RAP1GAP2: variants seen among roughly 807,000 people sequenced by gnomAD.
RAP1GAP2 encodes RAP1 GTPase activating protein 2.
RAP1GAP2 carries 27 observed loss-of-function variants against 95.0 expected under a neutral mutation model. The observed-to-expected ratio is 0.28, with a 90% CI of 0.21 to 0.39. The LOEUF (loss-of-function observed/expected upper bound fraction) is 0.39, where lower values mean the gene tolerates loss of function less well. Among genes scored for constraint, RAP1GAP2 ranks in the 10% least tolerant of loss-of-function variants. RAP1GAP2 has a pLI of 1.00. For missense variants in RAP1GAP2, 771 were observed against 970.0 expected (o/e 0.79, Z 2.72); for synonymous variants, 373 against 380.9 (o/e 0.98, Z 0.24).
intron 3 of RAP1GAP2, among the ~76,000 whole-genome samples, chr17:2,927,543 C>T (rs1462813198): frequency 6.6e-6 from 1 of 152,184 alleles, no homozygotes; most frequent in Non-Finnish European, 1.5e-5. Flanking sequence ...ACTGGGTGGA[C>T]CTGGGTCATC....
At chr17:2,915,961 A>C (rs1180241830) in intron 3 of RAP1GAP2, among the ~76,000 whole-genome samples, 1 of 151,898 alleles carries the variant, frequency 6.6e-6, no homozygotes, top group Admixed American at 6.6e-5. Context: ...GCCTCTCCCA[A>C]AGTGCTGGGA....
chr17:2,789,730 C>T (rs916943862), intron 1 of RAP1GAP2, among the ~76,000 whole-genome samples: 2 of 134,712 alleles, frequency 1.5e-5, no homozygotes, highest in African/African-American at 5.6e-5. Context: ...TGCAGTGAGC[C>T]GAGATTGCAC....
intron 2 of RAP1GAP2, among the ~76,000 whole-genome samples, chr17:2,826,978 C>G (rs1175527662): frequency 6.6e-6 from 1 of 151,978 alleles, no homozygotes; most frequent in Non-Finnish European, 1.5e-5. Context: ...TGCACTTCAG[C>G]CTGGTGTCAC....
At chr17:2,990,154 G>C (rs377340380) in intron 11 of RAP1GAP2, among the ~76,000 whole-genome samples, 25 of 152,302 alleles carry the variant, frequency 1.6e-4, no homozygotes, top group East Asian at 1.5e-3. Flanking sequence ...GGACATTTGG[G>C]TTCTTTCTCC....
chr17:2,850,789 C>T (rs1323074661), intron 2 of RAP1GAP2, among the ~76,000 whole-genome samples: 1 of 149,852 alleles, frequency 6.7e-6, no homozygotes. Flanking sequence ...AGGCCAGGCG[C>T]GATGGCTCAC....
intron 1 of RAP1GAP2, among the ~76,000 whole-genome samples, chr17:2,782,072 G>T (rs943573080): frequency 2.2e-4 from 34 of 152,302 alleles, no homozygotes; most frequent in Admixed American, 2.1e-3. Flanking sequence ...CCATCTGGAT[G>T]GCAGGTGATA....
intron 17 of RAP1GAP2, among the ~76,000 whole-genome samples, chr17:3,017,210 C>T (rs1478701819): frequency 6.6e-6 from 1 of 152,056 alleles, no homozygotes; most frequent in Non-Finnish European, 1.5e-5. Flanking sequence ...TTTAGCTGTT[C>T]TCACTCTCAC....
intron 1 of RAP1GAP2, among the ~76,000 whole-genome samples, chr17:2,768,550 G>C (rs921283823): frequency 6.6e-6 from 1 of 151,966 alleles, no homozygotes; most frequent in African/African-American, 2.4e-5. Context: ...AAATTAGCTG[G>C]GCATGGTGGT....
intron 2 of RAP1GAP2, among the ~76,000 whole-genome samples, chr17:2,849,088 A>G (rs2071711782): frequency 6.6e-6 from 1 of 152,180 alleles, no homozygotes; most frequent in Non-Finnish European, 1.5e-5. Context: ...TGTACCCTCA[A>G]AGGCAGAAGA....
intron 2 of RAP1GAP2, among the ~76,000 whole-genome samples, chr17:2,771,099 C>A (rs1158196241): frequency 6.6e-6 from 1 of 151,980 alleles, no homozygotes; most frequent in Non-Finnish European, 1.5e-5. Context: ...ACAAAAAACC[C>A]AACAAAACAA....
At chr17:2,945,215 ATTGT>A (rs965360466) in intron 3 of RAP1GAP2, among the ~76,000 whole-genome samples, 3 of 151,564 alleles carry the variant, frequency 2.0e-5, no homozygotes, top group African/African-American at 4.9e-5. Flanking sequence ...TAATTTTCTG[ATTGT>A]TTATTGATTG....
At chr17:2,946,900 G>A (rs1411225042) in intron 3 of RAP1GAP2, among the ~76,000 whole-genome samples, 1 of 152,132 alleles carries the variant, frequency 6.6e-6, no homozygotes, top group Non-Finnish European at 1.5e-5. Context: ...GATTATAGGC[G>A]CCCGCCACCA....
chr17:2,822,294 C>T (rs757098532), intron 2 of RAP1GAP2, among the ~76,000 whole-genome samples: 52 of 152,246 alleles, frequency 3.4e-4, no homozygotes, highest in African/African-American at 8.7e-4. Context: ...GGCACAAACA[C>T]GGTCTTTGCC....
At position 2,988,997 on chromosome 17, in the gene RAP1GAP2, TG is replaced by T. The variant is rs536406742; in HGVS notation, c.814-2299del. ...TCGCTTGAACCTGGGAGGCAGAGGT[TG>T]CCGTGAGCCGAGATTGCACCACTGC... On this transcript the variant is annotated intron_variant, in intron 11 of 24. Transcript: ENST00000254695. Among the ~76,000 whole-genome samples, 1,323 of 152,114 alleles carry T rather than the reference TG, an allele frequency of 8.7e-3. 18 individuals are homozygous for T. Among genetic ancestry groups the T allele is most frequent in the African/African-American group, 0.029 (1,185 of 41,496 alleles).
At chr17:2,809,492 A>G (rs2069665649) in intron 2 of RAP1GAP2, among the ~76,000 whole-genome samples, 1 of 152,000 alleles carries the variant, frequency 6.6e-6, no homozygotes, top group Non-Finnish European at 1.5e-5. Flanking sequence ...GCCGAGACCC[A>G]ACCATCCCCG....
rs1251174378 is a variant in RAP1GAP2 at position 2,866,310 on chromosome 17, C to T, written c.81-38974C>T. Among the ~76,000 whole-genome samples, 8 of 152,292 alleles carry T rather than the reference C, an allele frequency of 5.3e-5. No individual in the cohort carries two copies. The South Asian group carries it at 8.3e-4, about 16-fold the overall frequency. The stretch of plus-strand genomic sequence containing the variant: ...AACGTGGGAGATGAGGCTGTTAGGG[C>T]GGCCTGGGGCCATTTCGTGTTAGGT... On this transcript the variant is annotated intron_variant, in intron 2 of 24. Transcript: ENST00000254695. This position sits in a 1 kb window ranked among gnomAD's most constrained non-coding sequence, Gnocchi z 4.0.
intron 2 of RAP1GAP2, among the ~76,000 whole-genome samples, chr17:2,815,628 C>G (rs183707860): frequency 1.4e-4 from 21 of 151,948 alleles, no homozygotes; most frequent in Admixed American, 1.2e-3. Flanking sequence ...ATTACAGGCG[C>G]GCACCACCAC....
intron 2 of RAP1GAP2, among the ~76,000 whole-genome samples, chr17:2,809,862 C>T (rs1676341491): frequency 6.6e-6 from 1 of 152,158 alleles, no homozygotes; most frequent in Non-Finnish European, 1.5e-5. Context: ...CCCAAGCAGC[C>T]CTCAGGGGCC....
upstream of RAP1GAP2, among the ~76,000 whole-genome samples, chr17:2,791,860 T>C (rs1233187276): frequency 3.4e-5 from 5 of 146,772 alleles, no homozygotes; most frequent in Non-Finnish European, 7.5e-5. Flanking sequence ...TTTCTCTCTT[T>C]TTTTTTTTTT....
Sources: allele counts gnomAD v4.1 joint callset (sites outside exome capture counted in the v4.1 genomes callset), GRCh38; gene constraint gnomAD v4.1.1; non-coding constraint Gnocchi (gnomAD v3.1); transcripts MANE v1.5; gene names NCBI Gene and HGNC (gene_info 2026-07-23, HGNC 2026-07-21).